The following LRMDA variants were observed in gnomAD, a reference collection of about 807,000 sequenced individuals.
LRMDA encodes the protein leucine rich melanocyte differentiation associated.
LRMDA carries 18 observed loss-of-function variants against 29.8 expected under a neutral mutation model. That is an observed-to-expected ratio of 0.60 (90% CI 0.42 to 0.90). The LOEUF (loss-of-function observed/expected upper bound fraction) is 0.90, where lower values mean the gene tolerates loss of function less well. Ranked by LOEUF, LRMDA falls within the 40% of genes least tolerant of loss-of-function variation. The pLI, the probability that LRMDA is intolerant of heterozygous loss-of-function variation, is 0.00. For missense variants in LRMDA, 273 were observed against 273.9 expected (o/e 1.00, Z 0.02); for synonymous variants, 125 against 109.4 (o/e 1.14, Z -0.89).
At chr10:75,942,313 A>G (rs1846405997) in intron 2 of LRMDA, among the ~76,000 whole-genome samples, 1 of 152,196 alleles carries the variant, frequency 6.6e-6, no homozygotes, top group Admixed American at 6.5e-5. Flanking sequence ...TATCATGCTC[A>G]TCTCTTTCCC....
chr10:75,513,514 T>G (rs1418294009), intron 2 of LRMDA, among the ~76,000 whole-genome samples: 5 of 152,186 alleles, frequency 3.3e-5, no homozygotes, highest in African/African-American at 1.2e-4. Flanking sequence ...TACCACAAAC[T>G]CAGTGGCTTA....
At chr10:76,109,524 T>G (rs776164869) in intron 5 of LRMDA, among the ~76,000 whole-genome samples, 3 of 152,244 alleles carry the variant, frequency 2.0e-5, no homozygotes, top group Non-Finnish European at 4.4e-5. Context: ...TTGAGAACTC[T>G]GTCTTCTCCC....
intron 5 of LRMDA, among the ~76,000 whole-genome samples, chr10:76,103,995 T>C (rs950010414): frequency 1.3e-5 from 2 of 150,254 alleles, no homozygotes; most frequent in Non-Finnish European, 3.0e-5. Flanking sequence ...TTGCAGTGAA[T>C]GGAGATCATG....
chr10:76,374,304 T>A (rs1841489729), intron 6 of LRMDA, among the ~76,000 whole-genome samples: 1 of 152,192 alleles, frequency 6.6e-6, no homozygotes, highest in East Asian at 1.9e-4. Flanking sequence ...GACCATATTC[T>A]CTAAGAGTTC....
intron 6 of LRMDA, among the ~76,000 whole-genome samples, chr10:76,467,728 G>A (rs1011420206): frequency 1.3e-5 from 2 of 152,094 alleles, no homozygotes; most frequent in African/African-American, 4.8e-5. Context: ...TGCCTTGCTC[G>A]GTCCTTCATG....
chr10:76,030,658 G>A (rs992088757), intron 2 of LRMDA, among the ~76,000 whole-genome samples: 1 of 152,180 alleles, frequency 6.6e-6, no homozygotes, highest in Non-Finnish European at 1.5e-5. Flanking sequence ...GCGTGGTGGC[G>A]GAAGCCTGTA....
rs548448260 is a variant in LRMDA at position 76,324,609 on chromosome 10, A to G, written c.601+124A>G. 348 of 796,026 alleles carry G rather than the reference A, an allele frequency of 4.4e-4. 1 individual carries two copies. The highest frequency in any genetic ancestry group is 5.8e-4 in the Non-Finnish European group (279 of 483,386). The allele number at this position is 796,026 out of a possible 1,614,324, so 49.3% of individuals were successfully genotyped here. A position where few individuals can be genotyped will look rare whatever the true frequency, so the allele number is the denominator to read the frequency against. On this transcript the variant is annotated intron_variant, in intron 6 of 6. Coordinates refer to ENST00000611255, the MANE Select transcript of LRMDA (RefSeq NM_001305581.2). ...GAACACAGTGCTTTTTAAGTCCTTGATGAGAAAACCATACCTGTCACACGT... is the reference window on the plus strand; with the variant it reads ...GAACACAGTGCTTTTTAAGTCCTTGGTGAGAAAACCATACCTGTCACACGT...
chr10:75,915,186 C>T (rs1169122855), intron 2 of LRMDA, among the ~76,000 whole-genome samples: 1 of 122,152 alleles, frequency 8.2e-6, no homozygotes, highest in Non-Finnish European at 1.6e-5. Flanking sequence ...GGCTGAAGTG[C>T]AGTGGCATGA....
chr10:76,316,965 A>G (rs1390464317), intron 5 of LRMDA, among the ~76,000 whole-genome samples: 13 of 152,216 alleles, frequency 8.5e-5, no homozygotes, highest in Non-Finnish European at 1.9e-4. Flanking sequence ...TAGGTGCTGC[A>G]AGGCATTCAC....
chr10:75,913,983 C>T (rs1845888621), intron 2 of LRMDA, among the ~76,000 whole-genome samples: 1 of 152,218 alleles, frequency 6.6e-6, no homozygotes, highest in Non-Finnish European at 1.5e-5. Flanking sequence ...CCTCCTTGAG[C>T]GTTTCCACTG....
chr10:76,240,620 T>C (rs1231916382), intron 5 of LRMDA, among the ~76,000 whole-genome samples: 4 of 150,794 alleles, frequency 2.7e-5, no homozygotes, highest in Non-Finnish European at 5.9e-5. Flanking sequence ...GCAATCCCAC[T>C]CCTGGGTATC....
intron 2 of LRMDA, among the ~76,000 whole-genome samples, chr10:75,919,660 C>A (rs1845995272): frequency 6.6e-6 from 1 of 152,066 alleles, no homozygotes; most frequent in African/African-American, 2.4e-5. Context: ...ATGGCTTACC[C>A]CCCGAAAAAG....
intron 6 of LRMDA, among the ~76,000 whole-genome samples, chr10:76,422,431 C>T (rs2132522045): frequency 6.6e-6 from 1 of 152,202 alleles, no homozygotes; most frequent in African/African-American, 2.4e-5. Flanking sequence ...TTCACTCTCA[C>T]TCTCATCAAA....
chr10:76,531,690 G>A (rs1351906228), intron 6 of LRMDA, among the ~76,000 whole-genome samples: 1 of 152,088 alleles, frequency 6.6e-6, no homozygotes, highest in Non-Finnish European at 1.5e-5. Flanking sequence ...TATTTGCTAT[G>A]TGTATTATGG....
At chr10:76,018,950 A>C (rs1195776078) in intron 2 of LRMDA, among the ~76,000 whole-genome samples, 1 of 152,202 alleles carries the variant, frequency 6.6e-6, no homozygotes, top group Non-Finnish European at 1.5e-5. Flanking sequence ...CAGATTGTTC[A>C]GCTATTGTGA....
intron 6 of LRMDA, among the ~76,000 whole-genome samples, chr10:76,459,788 ATTATAC>A (rs1842493760): frequency 6.6e-6 from 1 of 151,872 alleles, no homozygotes; most frequent in Admixed American, 6.6e-5. Context: ...TTTTATTATT[ATTATAC>A]TTTAAGTTTT....
chr10:76,068,595 G>A lies in LRMDA; in HGVS notation c.516+9812G>A, dbSNP rs887684527. On this transcript the variant is annotated intron_variant, in intron 5 of 6. Coordinates refer to ENST00000611255, the MANE Select transcript of LRMDA (RefSeq NM_001305581.2). ...TGATCTGACAGGAGGCAGAGCCCAG[G>A]CAGTAATGCTCGCTCACCAGCCGCT... 5.9e-5 allele frequency among the ~76,000 whole-genome samples: 9 copies of A among 152,174 alleles called. No individual in the cohort carries two copies. The East Asian group carries it at 1.7e-3, about 29-fold the overall frequency.
At chr10:76,349,424 A>T (rs931621254) in intron 6 of LRMDA, among the ~76,000 whole-genome samples, 1 of 152,120 alleles carries the variant, frequency 6.6e-6, no homozygotes, top group African/African-American at 2.4e-5. Context: ...TATGATCTGA[A>T]GATAAAAATA....
chr10:75,924,296 G>A (rs753264047), intron 2 of LRMDA, among the ~76,000 whole-genome samples: 14 of 152,192 alleles, frequency 9.2e-5, no homozygotes, highest in South Asian at 4.1e-4. Flanking sequence ...AAAATTGGAC[G>A]TGAAATTGGA....
Sources: gnomAD v4.1 joint callset for allele counts (sites outside exome capture counted in the v4.1 genomes callset) on GRCh38, gnomAD v4.1.1 for gene constraint, MANE v1.5 for transcripts, NCBI Gene and HGNC (gene_info 2026-07-23, HGNC 2026-07-21) for gene names.